Variants in FSTL5 observed in about 807,000 individuals in gnomAD.
FSTL5 encodes follistatin like 5.
Under a neutral mutation model 89.1 loss-of-function variants are expected in FSTL5, and 62 were observed. The ratio of observed to expected loss-of-function variants is 0.70; its 90% CI spans 0.57 to 0.86. The LOEUF is 0.86. FSTL5 is among the 40% of genes least tolerant of loss of function. The pLI, the probability that FSTL5 is intolerant of heterozygous loss-of-function variation, is 0.00. For missense variants in FSTL5, 1,057 were observed against 1,001.6 expected (o/e 1.06, Z -0.75); for synonymous variants, 383 against 346.2 (o/e 1.11, Z -1.18).
At chr4:161,566,191 C>T (rs1732810873) in intron 8 of FSTL5, among the ~76,000 whole-genome samples, 1 of 140,600 alleles carries the variant, frequency 7.1e-6, no homozygotes, top group East Asian at 2.1e-4. Flanking sequence ...AAAAAACACA[C>T]ATAATAATGT....
At chr4:161,489,789 G>A (rs766248489) in intron 12 of FSTL5, among the ~76,000 whole-genome samples, 1 of 152,004 alleles carries the variant, frequency 6.6e-6, no homozygotes, top group Non-Finnish European at 1.5e-5. Context: ...AATGCCCAAA[G>A]TACACCTTTC....
At chr4:161,833,851 T>A (rs1476071766) in intron 4 of FSTL5, among the ~76,000 whole-genome samples, 1 of 151,968 alleles carries the variant, frequency 6.6e-6, no homozygotes, top group Non-Finnish European at 1.5e-5. Context: ...CCAGTCTGTG[T>A]CTTTTAATTG....
chr4:161,605,288 G>A (rs1734396468), intron 7 of FSTL5, among the ~76,000 whole-genome samples: 1 of 152,030 alleles, frequency 6.6e-6, no homozygotes, highest in African/African-American at 2.4e-5. Flanking sequence ...ACATGCCATA[G>A]CACATAGCCT....
At chr4:161,596,122 T>C (rs1734004761) in intron 7 of FSTL5, among the ~76,000 whole-genome samples, 1 of 151,934 alleles carries the variant, frequency 6.6e-6, no homozygotes, top group Admixed American at 6.6e-5. Flanking sequence ...TAAAGCAATA[T>C]TATCTCACAG....
chr4:161,988,530 T>C lies in FSTL5; in HGVS notation c.160+45095A>G, dbSNP rs1307969920. 1.1e-4 allele frequency among the ~76,000 whole-genome samples: 17 copies of C among 152,118 alleles called. 1 individual carries two copies. The highest frequency in any genetic ancestry group is 1.0e-3 in the Admixed American group (16 of 15,256). On this transcript the variant is annotated intron_variant, in intron 3 of 15. Transcript: ENST00000306100. ...AACTTCCACATTAAACAATTTTCAA[T>C]TGAAGCTAGTTGGATGTGATTAAAA...
intron 7 of FSTL5, among the ~76,000 whole-genome samples, chr4:161,642,465 C>T (rs533281243): frequency 2.6e-5 from 4 of 151,904 alleles, no homozygotes; most frequent in Admixed American, 2.6e-4. Context: ...TAGAAAGACA[C>T]AAATACATTG....
chr4:161,941,620 A>G (rs1470461521), intron 3 of FSTL5, among the ~76,000 whole-genome samples: 1 of 151,960 alleles, frequency 6.6e-6, no homozygotes, highest in Non-Finnish European at 1.5e-5. Context: ...ACATATATGC[A>G]CCAAATCTCA....
intron 5 of FSTL5, among the ~76,000 whole-genome samples, chr4:161,772,365 C>A (rs922370391): frequency 6.6e-6 from 1 of 151,588 alleles, no homozygotes; most frequent in East Asian, 1.9e-4. Flanking sequence ...TTTTAAAATT[C>A]AATATTAAAG....
chr4:162,090,110 T>C (rs907508124), intron 2 of FSTL5, among the ~76,000 whole-genome samples: 1 of 152,036 alleles, frequency 6.6e-6, no homozygotes, highest in Non-Finnish European at 1.5e-5. Flanking sequence ...GATTAAATAC[T>C]TAAATGTAAA....
At chr4:161,784,300 A>G (rs1048146579) in intron 4 of FSTL5, among the ~76,000 whole-genome samples, 1 of 152,148 alleles carries the variant, frequency 6.6e-6, no homozygotes, top group Non-Finnish European at 1.5e-5. Flanking sequence ...CCTGTGCTTT[A>G]CAGACATTGT....
intron 2 of FSTL5, among the ~76,000 whole-genome samples, chr4:162,085,344 C>T (rs1730269697): frequency 1.3e-5 from 2 of 151,738 alleles, no homozygotes; most frequent in Admixed American, 1.3e-4. Context: ...TTCAATTACC[C>T]AACAAATATA....
intron 8 of FSTL5, among the ~76,000 whole-genome samples, chr4:161,582,388 A>C (rs1353836131): frequency 6.6e-6 from 1 of 152,186 alleles, no homozygotes; most frequent in Non-Finnish European, 1.5e-5. Flanking sequence ...TATTTGGTAG[A>C]TAATTTGCAT....
At chr4:161,608,400 CT>C (rs1734526950) in intron 7 of FSTL5, among the ~76,000 whole-genome samples, 1 of 151,988 alleles carries the variant, frequency 6.6e-6, no homozygotes, top group Admixed American at 6.6e-5. Context: ...TTAAGATGTT[CT>C]GGAGTTCTTT....
intron 2 of FSTL5, among the ~76,000 whole-genome samples, chr4:162,095,129 A>C (rs2111367778): frequency 6.6e-6 from 1 of 152,228 alleles, no homozygotes; most frequent in Admixed American, 6.5e-5. Flanking sequence ...AAGAAAGCAA[A>C]AATGAGTTTA....
intron 15 of FSTL5, among the ~76,000 whole-genome samples, chr4:161,415,752 C>T (rs200101435): frequency 6.9e-6 from 1 of 144,210 alleles, no homozygotes; most frequent in African/African-American, 2.5e-5. Context: ...TATATATACA[C>T]ATATATATCA....
intron 3 of FSTL5, among the ~76,000 whole-genome samples, chr4:161,983,472 A>C (rs1342559724): frequency 6.6e-6 from 1 of 152,228 alleles, no homozygotes; most frequent in Non-Finnish European, 1.5e-5. Flanking sequence ...CAGCAAGAAC[A>C]ACTTGTATTT....
intron 6 of FSTL5, among the ~76,000 whole-genome samples, chr4:161,703,206 C>T (rs895623417): frequency 5.9e-5 from 9 of 152,024 alleles, no homozygotes; most frequent in Admixed American, 3.3e-4. Flanking sequence ...CTTATTTCAA[C>T]GACCCAGTCT....
chr4:161,415,290 CTG>C, intron 15 of FSTL5, among the ~76,000 whole-genome samples: 1 of 152,104 alleles, frequency 6.6e-6, no homozygotes, highest in Non-Finnish European at 1.5e-5. Flanking sequence ...GAGCTTCACT[CTG>C]TCGCCCAGGC....
chr4:161,448,021 A>C (rs1264246699), intron 15 of FSTL5, among the ~76,000 whole-genome samples: 1 of 152,124 alleles, frequency 6.6e-6, no homozygotes, highest in African/African-American at 2.4e-5. Context: ...GGGGGAGTAA[A>C]AAAGGTAAAG....
Sources: gnomAD v4.1 joint callset for allele counts (sites outside exome capture counted in the v4.1 genomes callset) on GRCh38, gnomAD v4.1.1 for gene constraint, MANE v1.5 for transcripts, NCBI Gene and HGNC (gene_info 2026-07-23, HGNC 2026-07-21) for gene names.